SBF1: variants seen among roughly 807,000 people sequenced by gnomAD.
SBF1 encodes the protein SET binding factor 1.
SBF1 carries 65 observed loss-of-function variants against 215.8 expected under a neutral mutation model. The ratio of observed to expected loss-of-function variants is 0.30; its 90% CI spans 0.25 to 0.37. SBF1 has a LOEUF of 0.37. Among genes scored for constraint, SBF1 ranks in the 10% least tolerant of loss-of-function variants. The probability of loss-of-function intolerance (pLI) is 1.00; values close to 1 mark genes in which losing one functional copy is unlikely to be tolerated. For synonymous variants in SBF1, 1,410 were observed against 1,122.8 expected (o/e 1.26, Z -5.11); for missense variants, 2,634 against 2,667.8 (o/e 0.99, Z 0.28).
intron 1 of SBF1, among the ~76,000 whole-genome samples, chr22:50,468,917 C>A (rs979104248): frequency 2.0e-5 from 3 of 152,242 alleles, no homozygotes; most frequent in African/African-American, 7.2e-5. Context: ...AACCTGCTGT[C>A]TGTGTGGGGT....
chr22:50,459,842 C>G (rs1240084326), intron 26 of SBF1, 110 bp downstream of exon 26: 3 of 1,423,396 alleles, frequency 2.1e-6, no homozygotes, highest in Non-Finnish European at 2.9e-6. Context: ...CCCGGAGTCT[C>G]CCCCTCCACA....
At chr22:50,461,444 G>C in intron 22 of SBF1, 79 bp downstream of exon 22, 1 of 1,506,576 alleles carries the variant, frequency 6.6e-7, no homozygotes, top group Non-Finnish European at 8.9e-7. Flanking sequence ...AGAAAAGGGA[G>C]AGGGAGGCAG....
intron 5 of SBF1, 42 bp downstream of exon 5, chr22:50,467,296 G>A (rs951870275): frequency 2.6e-6 from 4 of 1,531,126 alleles, no homozygotes; most frequent in African/African-American, 2.7e-5. Context: ...CCCAGCAGGA[G>A]GGCCTGTGGC....
At chr22:50,469,708 G>A (rs1569514482) in intron 1 of SBF1, among the ~76,000 whole-genome samples, 2 of 152,162 alleles carry the variant, frequency 1.3e-5, no homozygotes, top group Non-Finnish European at 2.9e-5. Flanking sequence ...TGGGCAAGGC[G>A]GGGGTCATGC....
intron 28 of SBF1, among the ~76,000 whole-genome samples, chr22:50,458,003 A>T (rs999194860): frequency 2.2e-4 from 33 of 152,314 alleles, no homozygotes; most frequent in Admixed American, 6.5e-4. Context: ...GTATCCTTGT[A>T]AAAAGGTCAG....
chr22:50,446,975 CGGCCG>C lies in SBF1; in HGVS notation c.*162_*166del, dbSNP rs901365325. On this transcript the variant is annotated 3_prime_UTR_variant, in exon 41 of 41. Coordinates refer to ENST00000380817, the MANE Select transcript of SBF1 (RefSeq NM_002972.4). The stretch of plus-strand genomic sequence containing the variant: ...CTGTGACGCCAAAATAAGTTAGGGC[CGGCCG>C]GGCGGGGCGGGGCGGGGACGGGGGC... 7.0e-6 allele frequency: 5 copies of C among 719,282 alleles called. No homozygotes were observed. In the African/African-American group the frequency reaches 9.0e-5, roughly 13 times the overall value. 44.6% of individuals were successfully genotyped at this position (719,282 alleles called of 1,614,324 possible).
Position 50,467,833 on chromosome 22 carries a change from G to C in SBF1, c.232C>G (p.His78Asp). 6.2e-7 allele frequency: 1 copy of C among 1,614,010 alleles called. No individual in the cohort carries two copies. The highest frequency in any genetic ancestry group is 8.5e-7 in the Non-Finnish European group (1 of 1,179,978). ...CAGAAGGTCAAGCAGGCGCAGTAGTGGCGCTCGGAGTTGATGTCGGTGAGG... is the reference window on the plus strand; with the variant it reads ...CAGAAGGTCAAGCAGGCGCAGTAGTCGCGCTCGGAGTTGATGTCGGTGAGG... ...AVLTDINSERHYCACLTFWEP... is the reference protein window; with the variant it reads ...AVLTDINSERDYCACLTFWEP... The change falls in exon 3 of 41, where the codon CAC becomes GAC. Residue 78 changes from histidine to aspartate, a missense_variant. Transcript: ENST00000380817.
chr22:50,468,100 G>A (rs544056088), intron 2 of SBF1, among the ~76,000 whole-genome samples, 177 bp from the exon 3 acceptor site: 79 of 152,316 alleles, frequency 5.2e-4, no homozygotes, highest in African/African-American at 1.9e-3. Context: ...GGTGAAGGGA[G>A]TAACAGCCTC....
At position 50,448,385 on chromosome 22, in the gene SBF1, C is replaced by T. The variant is rs1471452084; in HGVS notation, c.5211G>A (p.Val1737=). 3 of 1,613,940 alleles carry T rather than the reference C, an allele frequency of 1.9e-6. No homozygotes were observed. The highest frequency in any genetic ancestry group is 1.7e-6 in the Non-Finnish European group (2 of 1,180,032). The change falls in exon 38 of 41, where the codon GTG becomes GTA. Residue 1737 remains valine, a synonymous_variant. Transcript: ENST00000380817. ...TAPHHRRSLG[V]YLQEGPVGST... ...AGCCCACGGGCCCCTCCTGCAGGTA[C>T]ACACCCAGCGAGCGACGGTGGTGGG...
At chr22:50,451,693 A>AG (rs772047331) in intron 36 of SBF1, among the ~76,000 whole-genome samples, 3 of 152,246 alleles carry the variant, frequency 2.0e-5, no homozygotes, top group Non-Finnish European at 4.4e-5. Flanking sequence ...GCAAAATCTT[A>AG]AGGCAGAGAA....
In SBF1 at chr22:50,456,256, G is replaced by A; in HGVS notation, c.4226C>T (p.Ser1409Phe). 6.2e-7 allele frequency: 1 copy of A among 1,612,614 alleles called. No individual in the cohort carries two copies. Among genetic ancestry groups the A allele is most frequent in the Non-Finnish European group, 8.5e-7 (1 of 1,179,938 alleles). ...TGAGTCCTCCAGTGAGCGCAGGAAGGAGGCTGGGCTGGGCTCAGCAGCGGG... is the reference window on the plus strand; with the variant it reads ...TGAGTCCTCCAGTGAGCGCAGGAAGAAGGCTGGGCTGGGCTCAGCAGCGGG... The part of the protein sequence containing the change: ...GCPAAEPSPA[S>F]FLRSLEDSEW... Residue 1409 changes from serine to phenylalanine, a missense_variant, in exon 31 of 41, where the codon TCC becomes TTC. Physicochemically the swap from Ser to Phe is radical, Grantham distance 155. Transcript: ENST00000380817.
intron 1 of SBF1, among the ~76,000 whole-genome samples, chr22:50,474,020 T>C (rs575842267): frequency 2.0e-5 from 3 of 152,292 alleles, no homozygotes; most frequent in African/African-American, 7.2e-5. Context: ...TCCAGGCTGT[T>C]GCTGATGTCA....
At chr22:50,459,822 C>T (rs1285538856) in intron 26 of SBF1, 130 bp downstream of exon 26, 7 of 1,344,424 alleles carry the variant, frequency 5.2e-6, no homozygotes, top group African/African-American at 4.3e-5. Flanking sequence ...CCCTGTGGCC[C>T]GTCCCTCTGC....
Position 50,446,356 on chromosome 22 carries a change from T to TCTCCCCCCCCCCCCCCCCC in SBF1, c.*785_*786insGGGGGGGGGGGGGGGGGAG, listed in dbSNP as rs1491577679. 2.9e-5 allele frequency: 1 copy of TCTCCCCCCCCCCCCCCCCC among 35,048 alleles called. No homozygotes were observed. The highest frequency in any genetic ancestry group is 5.8e-5 in the Non-Finnish European group (1 of 17,172). 2.2% of individuals were successfully genotyped at this position (35,048 alleles called of 1,614,324 possible). ...CCTGCATTCCCCTGGGAGCCCACTG[T>TCTCCCCCCCCCCCCCCCCC]CCCCCCCCCCCCCCCGCCTCCGGCC... is the stretch of plus-strand genomic sequence containing the variant. On this transcript the variant is annotated 3_prime_UTR_variant, in exon 41 of 41. Coordinates refer to ENST00000380817, the MANE Select transcript of SBF1 (RefSeq NM_002972.4).
In SBF1 at chr22:50,462,584, G is replaced by A. The variant is rs760447577; in HGVS notation, c.2102C>T (p.Pro701Leu). The A allele has an allele frequency of 3.1e-6, 5 of 1,612,072 alleles. No homozygotes were observed. In the African/African-American group the frequency reaches 4.0e-5, roughly 13 times the overall value. Residue 701 changes from proline (P) to leucine (L), a missense_variant, in exon 18 of 41, where the codon CCC becomes CTC. By Grantham distance (98) the Pro-to-Leu change is moderately conservative. Coordinates refer to ENST00000380817, the MANE Select transcript of SBF1 (RefSeq NM_002972.4). ...QTHIRALYLE[P>L]TEDLAPAQEV... ...CTGGGCGGGGGCCAGGTCCTCCGTG[G>A]GCTCCAGGTAGAGGGCCCGGATGTG...
In SBF1 at chr22:50,474,985, C is replaced by T. The variant is rs1350928561; in HGVS notation, c.-145G>A. ...CGCTCCGCGGCGGCGGCGGCGGCGG[C>T]GGCGGCGGCCCAGGTTCCCGCCGCC... On this transcript the variant is annotated 5_prime_UTR_variant, in exon 1 of 41. Transcript: ENST00000380817. The T allele has an allele frequency of 8.6e-6, 3 of 349,510 alleles. No individual in the cohort carries two copies. Among genetic ancestry groups the T allele is most frequent in the South Asian group, 1.6e-4 (2 of 12,776 alleles). The allele number at this position is 349,510 out of a possible 1,614,324, so 21.7% of individuals were successfully genotyped here. A position where few individuals can be genotyped will look rare whatever the true frequency, so the allele number is the denominator to read the frequency against.
chr22:50,460,834 A>G lies in SBF1; in HGVS notation c.2968-122T>C. 4.5e-6 allele frequency: 5 copies of G among 1,109,754 alleles called. No homozygotes were observed. The Admixed American group carries it at 8.5e-5, about 19-fold the overall frequency. 68.7% of individuals were successfully genotyped at this position (1,109,754 alleles called of 1,614,324 possible). A position where few individuals can be genotyped will look rare whatever the true frequency, so the allele number is the denominator to read the frequency against. On this transcript the variant is annotated intron_variant, in intron 23 of 40. Coordinates refer to ENST00000380817, the MANE Select transcript of SBF1 (RefSeq NM_002972.4). The stretch of plus-strand genomic sequence containing the variant: ...ACAGAGAGAGAAGCAGGCCCCAGGC[A>G]AAGGCCTGTATCTGTGTCACACGAA...
chr22:50,446,821 C>A lies in SBF1; in HGVS notation c.*321G>T. The A allele has an allele frequency of 1.5e-6, 1 of 678,654 alleles. No individual in the cohort carries two copies. The highest frequency in any genetic ancestry group is 2.7e-6 in the Non-Finnish European group (1 of 363,872). The allele number at this position is 678,654 out of a possible 1,614,324, so 42.0% of individuals were successfully genotyped here. The stretch of plus-strand genomic sequence containing the variant: ...CACAGGAGCGTGGCGTTAGTTCTCT[C>A]TTTATATAGACTCTGGTTCTAGAAA... On this transcript the variant is annotated 3_prime_UTR_variant, in exon 41 of 41. Transcript: ENST00000380817.
At chr22:50,459,818 G>A (rs1211743779) in intron 26 of SBF1, 134 bp downstream of exon 26, 3 of 1,333,858 alleles carry the variant, frequency 2.2e-6, no homozygotes, top group Non-Finnish European at 3.1e-6. Flanking sequence ...CCAGCCCTGT[G>A]GCCCGTCCCT....
Sources: gnomAD v4.1 joint callset for allele counts (sites outside exome capture counted in the v4.1 genomes callset) on GRCh38, gnomAD v4.1.1 for gene constraint, MANE v1.5 for transcripts, NCBI Gene and HGNC (gene_info 2026-07-23, HGNC 2026-07-21) for gene names.